BPIFA1: variants seen among roughly 807,000 people sequenced by gnomAD.
BPIFA1 encodes BPI fold containing family A member 1.
Under a neutral mutation model 25.1 loss-of-function variants are expected in BPIFA1, and 24 were observed. That is an observed-to-expected ratio of 0.96 (90% CI 0.69 to 1.35). The LOEUF is 1.35. BPIFA1 is among the 40% of genes most tolerant of loss of function. BPIFA1 has a pLI of 0.00. For synonymous variants in BPIFA1, 139 were observed against 131.8 expected (o/e 1.05, Z -0.37); for missense variants, 344 against 303.7 (o/e 1.13, Z -0.99).
chr20:33,237,784 C>T lies in BPIFA1; in HGVS notation c.73C>T (p.Pro25Ser). Reference protein sequence around the residue: ...AQTMAQFGGLPVPLDQTLPLN... With the variant: ...AQTMAQFGGLSVPLDQTLPLN... ...GACCATGGCCCAGTTTGGAGGCCTG[C>T]CCGTGCCCCTGGACCAGACCCTGCC... Residue 25 changes from proline (P) to serine (S), a missense_variant, in exon 2 of 9, where the codon CCC (proline) becomes TCC (serine). Coordinates refer to ENST00000354297, the MANE Select transcript of BPIFA1 (RefSeq NM_130852.3). 1 of 1,597,042 alleles carries T rather than the reference C, an allele frequency of 6.3e-7. No individual in the cohort carries two copies. Among genetic ancestry groups the T allele is most frequent in the Non-Finnish European group, 8.5e-7 (1 of 1,171,226 alleles).
At chr20:33,237,169 T>C (rs1978718291) in intron 1 of BPIFA1, among the ~76,000 whole-genome samples, 1 of 152,230 alleles carries the variant, frequency 6.6e-6, no homozygotes, top group Non-Finnish European at 1.5e-5. Flanking sequence ...TGGCTCTAGC[T>C]TCTAATCCTC....
chr20:33,240,871 C>G (rs950634595), intron 5 of BPIFA1, among the ~76,000 whole-genome samples: 23 of 152,244 alleles, frequency 1.5e-4, no homozygotes, highest in African/African-American at 5.5e-4. Flanking sequence ...TGGAACTGCA[C>G]TGGAGTTATT....
rs1228759535 is a variant in BPIFA1, at chr20:33,241,462, A to G, written c.659A>G (p.Gln220Arg). ...AATAAAGTCCTGCCTGAGTTGGTTC[A>G]GGGCAACGTAAGTAGGCAAGGTGGG... is the stretch of plus-strand genomic sequence containing the variant. ...ILNKVLPELV[Q>R]GNVCPLVNEV... Residue 220 changes from glutamine to arginine, a missense_variant, in exon 6 of 9, where the codon CAG (glutamine) becomes CGG (arginine). By Grantham distance (43) the Gln-to-Arg change is conservative. Coordinates refer to ENST00000354297, the MANE Select transcript of BPIFA1 (RefSeq NM_130852.3). 1 of 1,613,062 alleles carries G rather than the reference A, an allele frequency of 6.2e-7. No individual in the cohort carries two copies. The highest frequency in any genetic ancestry group is 1.1e-5 in the South Asian group (1 of 91,070).
intron 5 of BPIFA1, 97 bp from the exon 6 acceptor site, chr20:33,241,288 C>A: frequency 8.7e-7 from 1 of 1,144,434 alleles, no homozygotes; most frequent in Non-Finnish European, 1.3e-6. Flanking sequence ...GCTTTAGTGA[C>A]TGAGTGTTGA....
chr20:33,241,391 C>A lies in BPIFA1; in HGVS notation c.588C>A (p.Gly196=), dbSNP rs1439224492. The A allele has an allele frequency of 1.9e-6, 3 of 1,613,502 alleles. No homozygotes were observed. Among genetic ancestry groups the A allele is most frequent in the Non-Finnish European group, 2.5e-6 (3 of 1,179,554 alleles). ...CATGACTTTTCTCTTTCAGACTTGG[C>A]CCCCTCCCCATTCAAGGTCTTCTGG... is the stretch of plus-strand genomic sequence containing the variant. ...SLQISLLDGL[G]PLPIQGLLDS... Residue 196 remains glycine, a synonymous_variant, in exon 6 of 9, where the codon GGC becomes GGA. Transcript: ENST00000354297.
At chr20:33,241,273 G>A (rs928090247) in intron 5 of BPIFA1, 112 bp from the exon 6 acceptor site, 4 of 1,010,820 alleles carry the variant, frequency 4.0e-6, no homozygotes, top group Non-Finnish European at 4.7e-6. Context: ...GATAGACAAG[G>A]CTCGGCTTTA....
At chr20:33,236,818 C>T (rs747737034) in intron 1 of BPIFA1, among the ~76,000 whole-genome samples, 8 of 152,166 alleles carry the variant, frequency 5.3e-5, no homozygotes, top group Non-Finnish European at 8.8e-5. Context: ...ATTGTATGAC[C>T]TTGGGAAAGT....
intron 3 of BPIFA1, among the ~76,000 whole-genome samples, chr20:33,238,770 C>G (rs1204668157): frequency 6.6e-6 from 1 of 152,124 alleles, no homozygotes; most frequent in African/African-American, 2.4e-5. Flanking sequence ...CATGAGACAC[C>G]CAAGAGCTCG....
rs745833733 is a variant in BPIFA1, at chr20:33,242,095, A to C, written c.706A>C (p.Ile236Leu). ...LVNEVLRGLD[I>L]TLVHDIVNML... ...CAATGAGGTTCTCAGAGGCTTGGAC[A>C]TCACCCTGGTGCATGACATTGTTAG... Residue 236 changes from isoleucine to leucine, a missense_variant, in exon 7 of 9, where the codon ATC becomes CTC. Ile to Leu is a conservative substitution (Grantham distance 5). Transcript: ENST00000354297. 43 of 1,614,036 alleles carry C rather than the reference A, an allele frequency of 2.7e-5. No homozygotes were observed. Among genetic ancestry groups the C allele is most frequent in the African/African-American group, 5.3e-5 (4 of 74,922 alleles).
intron 5 of BPIFA1, 145 bp downstream of exon 5, chr20:33,240,530 AGATG>A (rs10677320): frequency 0.02 from 14,685 of 745,952 alleles, 711 homozygotes; most frequent in African/African-American, 0.15. Flanking sequence ...GAGCGTGGAA[AGATG>A]GATGGATGGA....
chr20:33,236,579 C>T (rs1978688798), intron 1 of BPIFA1, among the ~76,000 whole-genome samples: 1 of 152,130 alleles, frequency 6.6e-6, no homozygotes, highest in South Asian at 2.1e-4. Context: ...CACAAAGTCA[C>T]CAGTTGTCTC....
rs199865803 is a variant in BPIFA1 at position 33,238,010 on chromosome 20, G to A, written c.161-45G>A. The A allele has an allele frequency of 9.7e-4, 1,534 of 1,580,100 alleles. 3 individuals carry two copies. The highest frequency in any genetic ancestry group is 2.4e-3 in the Middle Eastern group (12 of 4,914). On this transcript the variant is annotated intron_variant, in intron 2 of 8. Transcript: ENST00000354297. ...ATGGGGGAGGGGGCCTGAGGATCTG[G>A]AATTGTCAGATCTGACCCCCAGAGA...
At chr20:33,240,724 C>A (rs1435791105) in intron 5 of BPIFA1, among the ~76,000 whole-genome samples, 1 of 151,968 alleles carries the variant, frequency 6.6e-6, no homozygotes, top group Non-Finnish European at 1.5e-5. Context: ...CCAAGCTAAC[C>A]AATTTTATGC....
chr20:33,240,689 A>AGATAGAT (rs398071574), intron 5 of BPIFA1, among the ~76,000 whole-genome samples: 3 of 135,152 alleles, frequency 2.2e-5, no homozygotes, highest in African/African-American at 1.2e-4. Context: ...ATAGATAGAT[A>AGATAGAT]AAGTAGTACT....
chr20:33,237,886 G>A lies in BPIFA1; in HGVS notation c.160+15G>A, dbSNP rs1439459088. ...CTTGACAAATGGTGAGTTTTCAGGGGTGTATGTGTGCATGTGTGTGTGTGT... is the reference window on the plus strand; with the variant it reads ...CTTGACAAATGGTGAGTTTTCAGGGATGTATGTGTGCATGTGTGTGTGTGT... On this transcript the variant is annotated intron_variant, in intron 2 of 8. Coordinates refer to ENST00000354297, the MANE Select transcript of BPIFA1 (RefSeq NM_130852.3). 6.4e-7 allele frequency: 1 copy of A among 1,558,788 alleles called. No homozygotes were observed. Among genetic ancestry groups the A allele is most frequent in the East Asian group, 2.3e-5 (1 of 44,006 alleles).
rs568368106 is a variant in BPIFA1, at chr20:33,236,505, TC to T, written c.-16+456del. Among the ~76,000 whole-genome samples the T allele has an allele frequency of 7.3e-4, 111 of 152,288 alleles. 1 individual carries two copies. The Middle Eastern group carries it at 0.031, about 42-fold the overall frequency. Reference sequence around the variant, plus strand: ...ACTGGCTCTTTGGACCAAAGACCTTTCATTTCCAGCCTTCCACCACAAGGAT... The same window carrying T: ...ACTGGCTCTTTGGACCAAAGACCTTTATTTCCAGCCTTCCACCACAAGGAT... On this transcript the variant is annotated intron_variant, in intron 1 of 8. Transcript: ENST00000354297.
intron 1 of BPIFA1, among the ~76,000 whole-genome samples, chr20:33,236,507 A>G (rs1036547461): frequency 6.6e-6 from 1 of 151,938 alleles, no homozygotes; most frequent in Non-Finnish European, 1.5e-5. Context: ...AAGACCTTTC[A>G]TTTCCAGCCT....
rs775887890 is a variant in BPIFA1, at chr20:33,237,798, C to CCGT, written c.88_89insGTC (p.Asp29_Gln30insArg). The CCGT allele has an allele frequency of 2.5e-6, 4 of 1,603,118 alleles. No homozygotes were observed. The highest frequency in any genetic ancestry group is 3.4e-6 in the Non-Finnish European group (4 of 1,174,470). ...TTGGAGGCCTGCCCGTGCCCCTGGA[C>CCGT]CAGACCCTGCCCTTGAATGTGAATC... On this transcript the variant is annotated inframe_insertion, in exon 2 of 9. Transcript: ENST00000354297.
chr20:33,236,113 C>A (rs1300967090), intron 1 of BPIFA1, 63 bp downstream of exon 1: 2 of 152,128 alleles, frequency 1.3e-5, no homozygotes, highest in South Asian at 2.1e-4. Flanking sequence ...CAGGCTCCTG[C>A]CCTGTGGGGC....
Sources: allele counts gnomAD v4.1 joint callset (sites outside exome capture counted in the v4.1 genomes callset), GRCh38; gene constraint gnomAD v4.1.1; transcripts MANE v1.5; gene names NCBI Gene and HGNC (gene_info 2026-07-23, HGNC 2026-07-21).